Variants in DOCK2 observed in about 807,000 individuals in gnomAD.
DOCK2 encodes the protein dedicator of cytokinesis protein 2.
Under a neutral mutation model 248.9 loss-of-function variants are expected in DOCK2, and 87 were observed. The ratio of observed to expected loss-of-function variants is 0.35; its 90% CI spans 0.29 to 0.42. DOCK2 has a LOEUF of 0.42. Among genes scored for constraint, DOCK2 ranks in the 10% least tolerant of loss-of-function variants. The probability of loss-of-function intolerance (pLI) is 1.00; values close to 1 mark genes in which losing one functional copy is unlikely to be tolerated. For synonymous variants in DOCK2, 805 were observed against 821.6 expected (o/e 0.98, Z 0.35); for missense variants, 1,747 against 2,300.2 (o/e 0.76, Z 4.92).
intron 2 of DOCK2, among the ~76,000 whole-genome samples, chr5:169,667,572 G>T (rs928255727): frequency 2.0e-5 from 3 of 152,208 alleles, no homozygotes; most frequent in Non-Finnish European, 2.9e-5. Context: ...ACTAAAGGAG[G>T]TTGTTGTAGC....
chr5:169,974,708 C>T (rs569614110), intron 27 of DOCK2, among the ~76,000 whole-genome samples: 1 of 152,162 alleles, frequency 6.6e-6, no homozygotes, highest in African/African-American at 2.4e-5. Flanking sequence ...AGGAATATAC[C>T]GTATTTTCCT....
intron 27 of DOCK2, among the ~76,000 whole-genome samples, chr5:169,902,226 A>T (rs1308879963): frequency 2.0e-5 from 3 of 152,234 alleles, no homozygotes; most frequent in African/African-American, 7.2e-5. Context: ...AAAAGAGCTG[A>T]TGAACTGCTG....
chr5:169,922,318 C>T (rs969550358), intron 27 of DOCK2, among the ~76,000 whole-genome samples: 1 of 152,028 alleles, frequency 6.6e-6, no homozygotes, highest in Non-Finnish European at 1.5e-5. Context: ...TATGCAGAAC[C>T]CCTGATAATA....
intron 29 of DOCK2, among the ~76,000 whole-genome samples, chr5:169,993,067 GC>G (rs1778250740): frequency 6.6e-6 from 1 of 152,214 alleles, no homozygotes; most frequent in South Asian, 2.1e-4. Flanking sequence ...ATGTGTGAAA[GC>G]CCCCTCTTTG....
At chr5:169,833,606 G>A (rs950688177) in intron 26 of DOCK2, among the ~76,000 whole-genome samples, 6 of 152,146 alleles carry the variant, frequency 3.9e-5, no homozygotes, top group African/African-American at 7.2e-5. Flanking sequence ...ACTCCATGGG[G>A]CTGAGTTATT....
At chr5:169,712,094 TC>T in intron 16 of DOCK2, 25 bp from the exon 17 acceptor site, 4 of 1,613,998 alleles carry the variant, frequency 2.5e-6, no homozygotes, top group Non-Finnish European at 3.4e-6. Context: ...TCATTTTCTT[TC>T]CTGACCCCAC....
At position 170,077,942 on chromosome 5, in the gene DOCK2, C is replaced by G. The variant is rs553423981; in HGVS notation, c.4994+105C>G. ...CAACATCCCTTCTACCTTTCCCTTC[C>G]TCCTTTCAGTTTAAAAGCCTTTTCC... On this transcript the variant is annotated intron_variant, in intron 48 of 51. Transcript: ENST00000520908. 9.5e-5 allele frequency: 90 copies of G among 947,140 alleles called. No homozygotes were observed. The African/African-American group carries it at 1.3e-3, about 14-fold the overall frequency. 58.7% of individuals were successfully genotyped at this position (947,140 alleles called of 1,614,324 possible). A position where few individuals can be genotyped will look rare whatever the true frequency, so the allele number is the denominator to read the frequency against.
At chr5:169,699,922 C>G (rs1760867373) in intron 12 of DOCK2, 92 bp from the exon 13 acceptor site, 1 of 1,558,186 alleles carries the variant, frequency 6.4e-7, no homozygotes. Context: ...TCCCAGTGAT[C>G]TCCAGAAAGA....
At chr5:170,033,252 T>C (rs1160840095) in intron 34 of DOCK2, among the ~76,000 whole-genome samples, 1 of 152,228 alleles carries the variant, frequency 6.6e-6, no homozygotes, top group African/African-American at 2.4e-5. Context: ...GTGTGGTTCT[T>C]TTCTATATTG....
chr5:169,948,296 T>A (rs201960505), intron 27 of DOCK2, among the ~76,000 whole-genome samples: 1 of 151,880 alleles, frequency 6.6e-6, no homozygotes, highest in Non-Finnish European at 1.5e-5. Flanking sequence ...GAACGTTTTT[T>A]AAAAAAAGGT....
intron 34 of DOCK2, 80 bp downstream of exon 34, chr5:170,028,028 G>C (rs527749335): frequency 9.0e-6 from 12 of 1,327,184 alleles, no homozygotes; most frequent in South Asian, 1.5e-5. Flanking sequence ...AGGGGGCTCC[G>C]AGTGGCTCTG....
At chr5:169,758,509 G>A (rs1764310349) in intron 23 of DOCK2, among the ~76,000 whole-genome samples, 2 of 152,312 alleles carry the variant, frequency 1.3e-5, no homozygotes, top group South Asian at 4.1e-4. Flanking sequence ...TTAAAAAAGG[G>A]ATGAAGGCAT....
chr5:170,028,869 T>C (rs890243685), intron 34 of DOCK2, among the ~76,000 whole-genome samples: 8 of 152,198 alleles, frequency 5.3e-5, no homozygotes, highest in Admixed American at 6.5e-5. Flanking sequence ...GGTTCATCCA[T>C]GTTGTAGCAT....
chr5:169,941,555 T>C (rs1026671745), intron 27 of DOCK2, among the ~76,000 whole-genome samples: 1 of 152,172 alleles, frequency 6.6e-6, no homozygotes, highest in Middle Eastern at 3.4e-3. Flanking sequence ...GTGCAAGAGG[T>C]GGGCTGCACA....
In DOCK2 at chr5:169,889,239, C is replaced by G. The variant is rs78326563; in HGVS notation, c.2799+48387C>G. On this transcript the variant is annotated intron_variant, in intron 27 of 51. Coordinates refer to ENST00000520908, the MANE Select transcript of DOCK2 (RefSeq NM_004946.3). ...CTAATTAAGAGTGAAGGAATTAATTCACTTCCAACATTTTTTTTCCTTTCA... is the reference window on the plus strand; with the variant it reads ...CTAATTAAGAGTGAAGGAATTAATTGACTTCCAACATTTTTTTTCCTTTCA... Among the ~76,000 whole-genome samples the G allele has an allele frequency of 5.3e-5, 8 of 152,344 alleles. No individual in the cohort carries two copies. In the East Asian group the frequency reaches 1.5e-3, roughly 29 times the overall value.
At chr5:169,923,129 T>C (rs1312409600) in intron 27 of DOCK2, among the ~76,000 whole-genome samples, 1 of 152,196 alleles carries the variant, frequency 6.6e-6, no homozygotes, top group Non-Finnish European at 1.5e-5. Context: ...CTCCAAGGCC[T>C]ATGCTCCTCA....
intron 27 of DOCK2, among the ~76,000 whole-genome samples, chr5:169,902,424 A>G (rs977264346): frequency 6.6e-6 from 1 of 152,244 alleles, no homozygotes; most frequent in African/African-American, 2.4e-5. Context: ...AGTAGTGAAT[A>G]GTCCAGCAGG....
chr5:169,916,134 C>T (rs539378374), intron 27 of DOCK2, among the ~76,000 whole-genome samples: 16 of 152,282 alleles, frequency 1.1e-4, no homozygotes, highest in African/African-American at 1.4e-4. Context: ...TCCTGATTCC[C>T]GGGATTTACT....
At chr5:169,773,795 G>A (rs1305507895) in intron 25 of DOCK2, among the ~76,000 whole-genome samples, 1 of 152,032 alleles carries the variant, frequency 6.6e-6, no homozygotes, top group Non-Finnish European at 1.5e-5. Context: ...TGACCTGGTG[G>A]GAGATAATTG....
Sources: gnomAD v4.1 joint callset for allele counts (sites outside exome capture counted in the v4.1 genomes callset) on GRCh38, gnomAD v4.1.1 for gene constraint, MANE v1.5 for transcripts, NCBI Gene and HGNC (gene_info 2026-07-23, HGNC 2026-07-21) for gene names.